The following FAN1 variants were observed in gnomAD, a reference collection of about 807,000 sequenced individuals.
FAN1 encodes the protein fanconi-associated nuclease 1.
In FAN1, 91 loss-of-function variants were observed where a neutral mutation model predicts 104.9. The ratio of observed to expected loss-of-function variants is 0.87; its 90% confidence interval spans 0.73 to 1.03. The LOEUF (loss-of-function observed/expected upper bound fraction) is 1.03. Ranked by LOEUF, FAN1 falls within the 50% of genes least tolerant of loss-of-function variation. FAN1 has a pLI of 0.00. For missense variants in FAN1, 1,263 were observed against 1,239.9 expected (o/e 1.02, Z -0.28); for synonymous variants, 478 against 457.6 (o/e 1.04, Z -0.57).
intron 14 of FAN1, chr15:30,939,014 A>ACAT (rs2062950292): frequency 2.0e-6 from 2 of 985,108 alleles, no homozygotes; most frequent in South Asian, 9.4e-5. Flanking sequence ...ACAAGATAAC[A>ACAT]CATCTTCTTG....
intron 10 of FAN1, chr15:30,927,269 C>CA (rs1004487851): frequency 6.1e-6 from 6 of 985,494 alleles, no homozygotes; most frequent in Middle Eastern, 5.2e-4. Flanking sequence ...GCCTGATCGT[C>CA]AGTGTATTCA....
At position 30,905,857 on chromosome 15, in the gene FAN1, G is replaced by A. The variant is rs141494062; in HGVS notation, c.1194G>A (p.Glu398=). The part of the protein sequence containing the change: ...ENEDDMLLFD[E]QEKGIVTKFY... ...AAGATGATATGTTGCTCTTTGATGA[G>A]CAGGAGAAGGGAATTGTAACTAAAT... The change falls in exon 2 of 15, where the codon GAG becomes GAA. Residue 398 remains glutamate, a synonymous_variant. Coordinates refer to ENST00000362065, the MANE Select transcript of FAN1 (RefSeq NM_014967.5). 1,223 of 1,613,804 alleles carry A rather than the reference G, an allele frequency of 7.6e-4. No individual in the cohort carries two copies. The highest frequency in any genetic ancestry group is 9.6e-4 in the Non-Finnish European group (1,127 of 1,179,796).
Position 30,942,704 on chromosome 15 carries a change from TG to T in FAN1, c.*1145del. On this transcript the variant is annotated 3_prime_UTR_variant, in exon 15 of 15. Coordinates refer to ENST00000362065, the MANE Select transcript of FAN1 (RefSeq NM_014967.5). ...CCCACTCTCAGGTACTGAGACTTTG[TG>T]GGCCTCAGACACCAGGAAGAAAGCT... 1 of 584,612 alleles carries T rather than the reference TG, an allele frequency of 1.7e-6. No homozygotes were observed. The highest frequency in any genetic ancestry group is 2.8e-6 in the Non-Finnish European group (1 of 352,390). The allele number at this position is 584,612 out of a possible 1,614,324, so 36.2% of individuals were successfully genotyped here. A position where few individuals can be genotyped will look rare whatever the true frequency, so the allele number is the denominator to read the frequency against.
chr15:30,940,690 ACT>A, intron 14 of FAN1: 2 of 987,992 alleles, frequency 2.0e-6, no homozygotes, highest in South Asian at 9.3e-5. Flanking sequence ...GAGGAACAAG[ACT>A]CTGGGGACTC....
intron 9 of FAN1, 145 bp downstream of exon 9, chr15:30,925,436 CA>C (rs1056163896): frequency 2.5e-6 from 2 of 809,220 alleles, no homozygotes; most frequent in African/African-American, 3.5e-5. Flanking sequence ...GCTGTGTGGC[CA>C]TTGCTCCCAG....
chr15:30,926,827 C>G (rs551119037), intron 10 of FAN1: 2 of 985,392 alleles, frequency 2.0e-6, no homozygotes, highest in African/African-American at 3.5e-5. Context: ...ATTCCTTTCC[C>G]AGAGTAGAAA....
intron 14 of FAN1, chr15:30,941,163 G>C: frequency 1.5e-6 from 2 of 1,319,468 alleles, no homozygotes; most frequent in Admixed American, 4.5e-5. Flanking sequence ...CTGACTATCA[G>C]ATAGCCTTCA....
chr15:30,905,118 T>C lies in FAN1; in HGVS notation c.455T>C (p.Leu152Ser), dbSNP rs577770992. 6.2e-7 allele frequency: 1 copy of C among 1,614,070 alleles called. No individual in the cohort carries two copies. The highest frequency in any genetic ancestry group is 8.5e-7 in the Non-Finnish European group (1 of 1,180,022). The change falls in exon 2 of 15, where the codon TTG (leucine) becomes TCG (serine). Residue 152 changes from leucine (L) to serine (S), a missense_variant. Leu to Ser is a moderately radical substitution (Grantham distance 145). Transcript: ENST00000362065. ...LRNRSVKVIC[L>S]GSLASKLSRK... ...AATCGTAGTGTGAAAGTCATTTGTT[T>C]GGGAAGCCTAGCATCTAAATTGTCC...
intron 6 of FAN1, among the ~76,000 whole-genome samples, chr15:30,919,378 CA>C (rs34395788): frequency 0.58 from 43,467 of 75,074 alleles, 9,820 homozygotes; most frequent in East Asian, 0.91. Flanking sequence ...AACTCCGTCT[CA>C]AAAAAAAAAA....
At position 30,942,377 on chromosome 15, in the gene FAN1, C is replaced by G; in HGVS notation, c.*815C>G. 2.6e-6 allele frequency: 1 copy of G among 390,598 alleles called. No homozygotes were observed. Among genetic ancestry groups the G allele is most frequent in the Non-Finnish European group, 4.6e-6 (1 of 218,186 alleles). 24.2% of individuals were successfully genotyped at this position (390,598 alleles called of 1,614,324 possible). A position where few individuals can be genotyped will look rare whatever the true frequency, so the allele number is the denominator to read the frequency against. ...GGCTAGAAAAAACACTAGACCTGGC[C>G]GATTCTATCAAGAACAATGGCAAAC... is the stretch of plus-strand genomic sequence containing the variant. On this transcript the variant is annotated 3_prime_UTR_variant, in exon 15 of 15. Transcript: ENST00000362065.
At position 30,937,170 on chromosome 15, in the gene FAN1, T is replaced by C. The variant is rs1369164707; in HGVS notation, c.2968T>C (p.Trp990Arg). 4 of 1,613,960 alleles carry C rather than the reference T, an allele frequency of 2.5e-6. No homozygotes were observed. Among genetic ancestry groups the C allele is most frequent in the African/African-American group, 1.3e-5 (1 of 74,916 alleles). The part of the protein sequence containing the change: ...NDRLSHKQMI[W>R]LAELQKLGAE... ...TCGTCTTTCACATAAGCAGATGATC[T>C]GGCTGGCTGAACTGCAGAAGCTGGG... is the stretch of plus-strand genomic sequence containing the variant. Residue 990 changes from tryptophan to arginine, a missense_variant, in exon 14 of 15, where the codon TGG (tryptophan) becomes CGG (arginine). This residue lies in a region of FAN1 where 581 missense variants were observed against 668.8 expected (regional missense o/e 0.87). Coordinates refer to ENST00000362065, the MANE Select transcript of FAN1 (RefSeq NM_014967.5).
At chr15:30,911,474 G>A (rs1222259377) in intron 4 of FAN1, 2 of 983,646 alleles carry the variant, frequency 2.0e-6, no homozygotes, top group Non-Finnish European at 2.4e-6. Context: ...GTTGTTATGA[G>A]CCCATCCTTG....
At chr15:30,938,628 G>A (rs1410439510) in intron 14 of FAN1, among the ~76,000 whole-genome samples, 3 of 152,126 alleles carry the variant, frequency 2.0e-5, no homozygotes, top group Admixed American at 6.5e-5. Flanking sequence ...CGCCAGGCCC[G>A]GGAGTCAGGG....
intron 14 of FAN1, chr15:30,940,884 G>A: frequency 9.8e-7 from 1 of 1,017,020 alleles, no homozygotes; most frequent in Non-Finnish European, 1.2e-6. Flanking sequence ...TCATTTTAAA[G>A]TTGACCCTAT....
Position 30,941,841 on chromosome 15 carries a change from T to C in FAN1, c.*279T>C. ...CGGAAGTAGCACAGTTTCCACAGTT[T>C]TATGTGTGTTCCAGAGACACGTGGC... On this transcript the variant is annotated 3_prime_UTR_variant, in exon 15 of 15. Coordinates refer to ENST00000362065, the MANE Select transcript of FAN1 (RefSeq NM_014967.5). The C allele has an allele frequency of 1.2e-6, 2 of 1,614,008 alleles. No individual in the cohort carries two copies. Among genetic ancestry groups the C allele is most frequent in the Non-Finnish European group, 1.7e-6 (2 of 1,179,892 alleles).
intron 10 of FAN1, 93 bp from the exon 11 acceptor site, chr15:30,928,460 G>A: frequency 6.4e-7 from 1 of 1,552,692 alleles, no homozygotes; most frequent in Non-Finnish European, 8.7e-7. Context: ...AATTGAGTGT[G>A]CAGTAGGTTA....
chr15:30,910,953 A>AT lies in FAN1; in HGVS notation c.1577+140dup, dbSNP rs769668986. ...GATTGAGAAGGCTGGAAAAGCCTTAATTGCAATAGCCTGGATTCTTTCTTG... is the reference window on the plus strand; with the variant it reads ...GATTGAGAAGGCTGGAAAAGCCTTAATTTGCAATAGCCTGGATTCTTTCTTG... On this transcript the variant is annotated intron_variant, in intron 4 of 14. Transcript: ENST00000362065. 25 of 1,380,872 alleles carry AT rather than the reference A, an allele frequency of 1.8e-5. No individual in the cohort carries two copies. In the East Asian group the frequency reaches 2.1e-4, roughly 12 times the overall value. The allele number at this position is 1,380,872 out of a possible 1,614,324, so 85.5% of individuals were successfully genotyped here. A position where few individuals can be genotyped will look rare whatever the true frequency, so the allele number is the denominator to read the frequency against.
At chr15:30,930,428 C>A in intron 12 of FAN1, 115 bp from the exon 13 acceptor site, 1 of 1,221,536 alleles carries the variant, frequency 8.2e-7, no homozygotes, top group Non-Finnish European at 1.1e-6. Flanking sequence ...GGCCTGGGGT[C>A]CATGTGCACT....
chr15:30,933,807 G>C (rs1044322700), intron 13 of FAN1, among the ~76,000 whole-genome samples: 3 of 151,854 alleles, frequency 2.0e-5, no homozygotes, highest in Non-Finnish European at 4.4e-5. Flanking sequence ...ACCTAGGCTG[G>C]AGTGTAGTGG....
Sources: allele counts gnomAD v4.1 joint callset (sites outside exome capture counted in the v4.1 genomes callset), GRCh38; gene constraint gnomAD v4.1.1; regional missense constraint gnomAD v4.1.1; transcripts MANE v1.5; gene names NCBI Gene and HGNC (gene_info 2026-07-23, HGNC 2026-07-21).